Variants in FBXL17 observed in about 807,000 individuals in gnomAD.
FBXL17 encodes the protein F-box and leucine rich repeat protein 17, also known as F-box/LRR-repeat protein 17.
FBXL17 carries 22 observed loss-of-function variants against 66.2 expected under a neutral mutation model. The observed-to-expected ratio is 0.33, with a 90% CI of 0.24 to 0.47. The LOEUF (loss-of-function observed/expected upper bound fraction) is 0.47, where lower values mean the gene tolerates loss of function less well. Ranked by LOEUF, FBXL17 falls within the 20% of genes least tolerant of loss-of-function variation. The pLI is 1.00. For synonymous variants in FBXL17, 474 were observed against 400.5 expected (o/e 1.18, Z -2.19); for missense variants, 878 against 948.2 (o/e 0.93, Z 0.97).
At chr5:108,312,055 G>A (rs2150200464) in intron 4 of FBXL17, among the ~76,000 whole-genome samples, 1 of 152,140 alleles carries the variant, frequency 6.6e-6, no homozygotes, top group African/African-American at 2.4e-5. Flanking sequence ...ATGTGTCTTT[G>A]AGACACATTT....
At position 107,859,390 on chromosome 5, in the gene FBXL17, G is replaced by GGTT. The variant is rs1264472450; in HGVS notation, c.*2329_*2330insAAC. The GGTT allele has an allele frequency of 3.7e-4, 22 of 60,184 alleles. No individual in the cohort carries two copies. The highest frequency in any genetic ancestry group is 1.4e-3 in the African/African-American group (21 of 14,486). 3.7% of individuals were successfully genotyped at this position (60,184 alleles called of 1,614,324 possible). On this transcript the variant is annotated 3_prime_UTR_variant, in exon 9 of 9. Coordinates refer to ENST00000542267, the MANE Select transcript of FBXL17 (RefSeq NM_001163315.3). ...CTCAAGGTGATGCTTTTTTCTGGCT[G>GGTT]TTTTTTTTTTTTTTTTTTTTTTTTT... is the stretch of plus-strand genomic sequence containing the variant.
intron 7 of FBXL17, among the ~76,000 whole-genome samples, chr5:107,999,417 T>C (rs1302514900): frequency 6.6e-6 from 1 of 150,914 alleles, no homozygotes; most frequent in South Asian, 2.1e-4. Flanking sequence ...GGATGCTTTT[T>C]TGAAATTTAC....
intron 1 of FBXL17, among the ~76,000 whole-genome samples, chr5:108,374,818 AAAT>A (rs1237138700): frequency 4.6e-5 from 7 of 152,160 alleles, no homozygotes; most frequent in African/African-American, 1.4e-4. Context: ...GAAAACTAGA[AAAT>A]AATTTGAAAT....
intron 6 of FBXL17, among the ~76,000 whole-genome samples, chr5:108,097,940 A>C (rs1166762417): frequency 6.6e-6 from 1 of 152,112 alleles, no homozygotes; most frequent in Non-Finnish European, 1.5e-5. Flanking sequence ...TATATTGTCT[A>C]ACAGGTTTTA....
At chr5:108,032,487 G>A (rs1244778848) in intron 6 of FBXL17, among the ~76,000 whole-genome samples, 1 of 151,786 alleles carries the variant, frequency 6.6e-6, no homozygotes, top group Non-Finnish European at 1.5e-5. Flanking sequence ...ATTTTATCTT[G>A]GATTATCTGG....
intron 4 of FBXL17, chr5:108,298,101 A>G (rs964624028): frequency 2.6e-5 from 25 of 964,534 alleles, no homozygotes; most frequent in Non-Finnish European, 3.1e-5. Flanking sequence ...CTTATATTAT[A>G]CAATTTTAAT....
intron 7 of FBXL17, among the ~76,000 whole-genome samples, chr5:107,889,013 T>A (rs553938313): frequency 1.8e-4 from 27 of 151,820 alleles, no homozygotes; most frequent in East Asian, 3.9e-4. Context: ...AATGTGTCTC[T>A]CTTGGATTAC....
intron 7 of FBXL17, among the ~76,000 whole-genome samples, chr5:107,935,549 A>G (rs7722766): frequency 0.76 from 115,946 of 151,984 alleles, 44,465 homozygotes; most frequent in Middle Eastern, 0.83. Flanking sequence ...AAGAAAGAAG[A>G]CGAATGTGCT....
At chr5:107,885,089 A>G (rs1288023384) in intron 7 of FBXL17, among the ~76,000 whole-genome samples, 1 of 152,220 alleles carries the variant, frequency 6.6e-6, no homozygotes, top group Non-Finnish European at 1.5e-5. Flanking sequence ...ATGTATCATT[A>G]CTACCTTCAT....
At chr5:108,288,133 T>A (rs776664385) in intron 4 of FBXL17, among the ~76,000 whole-genome samples, 1 of 151,172 alleles carries the variant, frequency 6.6e-6, no homozygotes, top group African/African-American at 2.4e-5. Context: ...AGGAGAAGGG[T>A]GAAGATTGAA....
chr5:108,032,812 A>G (rs1746696164), intron 6 of FBXL17, among the ~76,000 whole-genome samples: 1 of 152,198 alleles, frequency 6.6e-6, no homozygotes, highest in Non-Finnish European at 1.5e-5. Flanking sequence ...TACAGTAGTC[A>G]CAGGAAACTA....
intron 7 of FBXL17, among the ~76,000 whole-genome samples, chr5:108,015,254 T>C (rs1345147546): frequency 2.0e-5 from 3 of 152,166 alleles, no homozygotes; most frequent in Admixed American, 1.3e-4. Flanking sequence ...TTTAGCAATT[T>C]AGTACTATTT....
intron 7 of FBXL17, among the ~76,000 whole-genome samples, chr5:107,892,684 A>G (rs1749233994): frequency 6.6e-6 from 1 of 152,156 alleles, no homozygotes. Flanking sequence ...ATGTGGAAAA[A>G]AAAGCATAAA....
chr5:108,282,988 A>G (rs1049497026), intron 4 of FBXL17, among the ~76,000 whole-genome samples: 45 of 151,634 alleles, frequency 3.0e-4, no homozygotes, highest in African/African-American at 1.0e-3. Flanking sequence ...AACTCTAATG[A>G]AAGAAACTGT....
At chr5:108,289,668 G>A (rs1758033830) in intron 4 of FBXL17, among the ~76,000 whole-genome samples, 1 of 152,072 alleles carries the variant, frequency 6.6e-6, no homozygotes, top group South Asian at 2.1e-4. Context: ...GACATGACAT[G>A]GCTTTGAAGT....
chr5:108,048,783 A>G (rs1480644127), intron 6 of FBXL17, among the ~76,000 whole-genome samples: 2 of 152,166 alleles, frequency 1.3e-5, no homozygotes, highest in African/African-American at 4.8e-5. Context: ...GACCGAACAG[A>G]GCCTCTGAGA....
At chr5:108,039,412 C>T (rs1428148464) in intron 6 of FBXL17, among the ~76,000 whole-genome samples, 1 of 151,924 alleles carries the variant, frequency 6.6e-6, no homozygotes, top group East Asian at 1.9e-4. Flanking sequence ...AATATATCAA[C>T]TAGACTTAGT....
chr5:107,863,351 C>G, intron 8 of FBXL17, among the ~76,000 whole-genome samples: 1 of 151,276 alleles, frequency 6.6e-6, no homozygotes, highest in East Asian at 1.9e-4. Flanking sequence ...TTAAGTTGTT[C>G]AAGTTCCTTC....
At chr5:108,377,455 G>A (rs1400818789) in intron 1 of FBXL17, among the ~76,000 whole-genome samples, 1 of 152,200 alleles carries the variant, frequency 6.6e-6, no homozygotes, top group Admixed American at 6.5e-5. Flanking sequence ...GCCCCAAATT[G>A]AATCAGCTGT....
Sources: gnomAD v4.1 joint callset for allele counts (sites outside exome capture counted in the v4.1 genomes callset) on GRCh38, gnomAD v4.1.1 for gene constraint, MANE v1.5 for transcripts, NCBI Gene and HGNC (gene_info 2026-07-23, HGNC 2026-07-21) for gene names.